The following UBL3 variants were observed in gnomAD, a reference collection of about 807,000 sequenced individuals.
UBL3 encodes the protein ubiquitin like 3.
A neutral mutation model predicts 18.4 loss-of-function variants in UBL3; 6 were observed. The ratio of observed to expected loss-of-function variants is 0.33; its 90% confidence interval spans 0.18 to 0.64. The LOEUF is 0.64. UBL3 is among the 30% of genes least tolerant of loss of function. The pLI is 0.76. For synonymous variants in UBL3, 49 were observed against 46.6 expected (o/e 1.05, Z -0.21); for missense variants, 109 against 142.9 (o/e 0.76, Z 1.21).
chr13:29,833,926 G>A (rs569529160), intron 1 of UBL3, among the ~76,000 whole-genome samples: 2 of 152,092 alleles, frequency 1.3e-5, no homozygotes, highest in African/African-American at 2.4e-5. Context: ...AGTGGCTCAC[G>A]CCTGTAATCT....
chr13:29,780,386 A>G (rs191552857), intron 1 of UBL3, among the ~76,000 whole-genome samples: 4,017 of 116,204 alleles, frequency 0.035, 83 homozygotes, highest in Middle Eastern at 0.049. Flanking sequence ...ATATATATAT[A>G]TATATGTGTG....
chr13:29,769,694 C>T (rs1876787216), intron 3 of UBL3, among the ~76,000 whole-genome samples: 1 of 152,064 alleles, frequency 6.6e-6, no homozygotes, highest in Non-Finnish European at 1.5e-5. Flanking sequence ...CTTCACCCTC[C>T]GATTAACAAG....
intron 1 of UBL3, among the ~76,000 whole-genome samples, chr13:29,842,281 C>T (rs759169328): frequency 2.0e-5 from 3 of 151,966 alleles, no homozygotes; most frequent in African/African-American, 7.3e-5. Flanking sequence ...CCTCAGCCTC[C>T]GGAGTAGCTG....
At chr13:29,804,184 T>A (rs1384762057) in intron 1 of UBL3, among the ~76,000 whole-genome samples, 1 of 151,716 alleles carries the variant, frequency 6.6e-6, no homozygotes, top group Non-Finnish European at 1.5e-5. Flanking sequence ...ACCATACAAT[T>A]ACAGGTAAAT....
At chr13:29,791,931 T>G (rs922435956) in intron 1 of UBL3, among the ~76,000 whole-genome samples, 4 of 152,194 alleles carry the variant, frequency 2.6e-5, no homozygotes, top group Non-Finnish European at 5.9e-5. Flanking sequence ...TCTGAAAACT[T>G]AAACTGGTCT....
chr13:29,785,912 T>C (rs1339692340), intron 1 of UBL3, among the ~76,000 whole-genome samples: 3 of 152,136 alleles, frequency 2.0e-5, no homozygotes, highest in Non-Finnish European at 2.9e-5. Flanking sequence ...TTAAAAATAA[T>C]AAAAAGGAAG....
chr13:29,777,477 C>T (rs376821063), intron 1 of UBL3: 2 of 652,660 alleles, frequency 3.1e-6, no homozygotes, highest in Non-Finnish European at 2.9e-6. Flanking sequence ...GTGTGTCAGA[C>T]ATATTTGCCA....
chr13:29,777,444 C>G (rs780532312), intron 1 of UBL3, 181 bp from the exon 2 acceptor site: 1 of 688,292 alleles, frequency 1.5e-6, no homozygotes, highest in Non-Finnish European at 2.6e-6. Flanking sequence ...GATTTTATTT[C>G]CTATTATTTA....
At chr13:29,841,804 C>G (rs1229970656) in intron 1 of UBL3, among the ~76,000 whole-genome samples, 2 of 152,278 alleles carry the variant, frequency 1.3e-5, no homozygotes, top group South Asian at 4.1e-4. Context: ...GTTCCTTACC[C>G]TCTCTGAACC....
At chr13:29,781,803 T>C (rs1877181460) in intron 1 of UBL3, among the ~76,000 whole-genome samples, 2 of 133,282 alleles carry the variant, frequency 1.5e-5, no homozygotes, top group African/African-American at 5.8e-5. Flanking sequence ...AGGCAACAAA[T>C]TGCGACCCTG....
intron 1 of UBL3, among the ~76,000 whole-genome samples, chr13:29,785,192 C>T (rs9506226): frequency 2.0e-5 from 3 of 152,064 alleles, no homozygotes; most frequent in Non-Finnish European, 2.9e-5. Context: ...AGGCATGAGC[C>T]TCCATGCCTG....
intron 1 of UBL3, among the ~76,000 whole-genome samples, chr13:29,835,107 AATATATATATATATATAAAT>A (rs1878897802): frequency 2.1e-4 from 5 of 23,796 alleles, no homozygotes; most frequent in African/African-American, 4.0e-4. Flanking sequence ...TATATATATA[AATATATATATATATATAAAT>A]ATATATATAT....
intron 1 of UBL3, among the ~76,000 whole-genome samples, chr13:29,788,516 G>A (rs76163666): frequency 0.014 from 2,135 of 152,132 alleles, 44 homozygotes; most frequent in African/African-American, 0.049. Context: ...AGCATACTTC[G>A]ATGCCACCCC....
intron 1 of UBL3, among the ~76,000 whole-genome samples, chr13:29,790,986 G>A (rs377420977): frequency 1.3e-5 from 2 of 152,058 alleles, no homozygotes; most frequent in East Asian, 1.9e-4. Context: ...TCCATGAAGC[G>A]CCATTTTCAT....
At chr13:29,767,351 C>T in intron 4 of UBL3, 44 bp from the exon 5 acceptor site, 1 of 1,610,102 alleles carries the variant, frequency 6.2e-7, no homozygotes, top group Non-Finnish European at 8.5e-7. Flanking sequence ...AATTCTAGAA[C>T]TGGAGGGGAA....
At chr13:29,809,824 G>T (rs1306063482) in intron 1 of UBL3, among the ~76,000 whole-genome samples, 1 of 152,088 alleles carries the variant, frequency 6.6e-6, no homozygotes, top group Non-Finnish European at 1.5e-5. Context: ...AAATAACACA[G>T]TATTTCCATA....
chr13:29,800,616 A>G (rs866580370), intron 1 of UBL3, among the ~76,000 whole-genome samples: 55 of 152,398 alleles, frequency 3.6e-4, no homozygotes, highest in African/African-American at 1.3e-3. Flanking sequence ...AAAAGAAGAT[A>G]AAAGAAAAAA....
intron 1 of UBL3, among the ~76,000 whole-genome samples, chr13:29,838,305 A>G (rs558773665): frequency 2.1e-4 from 32 of 152,340 alleles, no homozygotes; most frequent in African/African-American, 7.5e-4. Flanking sequence ...GACCTGCACT[A>G]AAAGTTCCTT....
chr13:29,808,901 G>C (rs1877965309), intron 1 of UBL3, among the ~76,000 whole-genome samples: 1 of 151,996 alleles, frequency 6.6e-6, no homozygotes, highest in African/African-American at 2.4e-5. Flanking sequence ...AGTTGGAAGA[G>C]TTTTTAACTT....
Sources: gnomAD v4.1 joint callset for allele counts (sites outside exome capture counted in the v4.1 genomes callset) on GRCh38, gnomAD v4.1.1 for gene constraint, MANE v1.5 for transcripts, NCBI Gene and HGNC (gene_info 2026-07-23, HGNC 2026-07-21) for gene names.